The following RC3H2 variants were observed in gnomAD, a reference collection of about 807,000 sequenced individuals.
The protein encoded by RC3H2 is ring finger and CCCH-type domains 2.
Under a neutral mutation model 133.3 loss-of-function variants are expected in RC3H2, and 31 were observed. The observed-to-expected ratio is 0.23, with a 90% confidence interval of 0.17 to 0.31. RC3H2 has a LOEUF of 0.31. Ranked by LOEUF, RC3H2 falls within the 10% of genes least tolerant of loss-of-function variation. The probability of loss-of-function intolerance (pLI) is 1.00; values close to 1 mark genes in which losing one functional copy is unlikely to be tolerated. For missense variants in RC3H2, 1,175 were observed against 1,437.2 expected (o/e 0.82, Z 2.95); for synonymous variants, 517 against 502.2 (o/e 1.03, Z -0.40).
At chr9:122,887,415 G>A (rs993281858) in intron 4 of RC3H2, among the ~76,000 whole-genome samples, 3 of 151,860 alleles carry the variant, frequency 2.0e-5, no homozygotes, top group Non-Finnish European at 4.4e-5. Context: ...TTCTCTGGGG[G>A]TCAACTGATC....
At chr9:122,852,167 G>T (rs1170792894) in intron 18 of RC3H2, among the ~76,000 whole-genome samples, 2 of 144,424 alleles carry the variant, frequency 1.4e-5, no homozygotes, top group Non-Finnish European at 3.0e-5. Context: ...TGGGATGTGA[G>T]GAATGCCTCT....
In RC3H2 at chr9:122,859,064, C is replaced by T; in HGVS notation, c.1888G>A (p.Ala630Thr). 1 of 1,602,690 alleles carries T rather than the reference C, an allele frequency of 6.2e-7. No individual in the cohort carries two copies. The highest frequency in any genetic ancestry group is 8.5e-7 in the Non-Finnish European group (1 of 1,172,674). ...PPPPTVPAGV[A>T]PCVPRFVRSN... is the part of the protein sequence containing the mutation. ...CTCACAAAGCGAGGAACACAGGGAG[C>T]CACACCAGCTGGTACCGTTGGAGGT... Residue 630 changes from alanine (A) to threonine (T), a missense_variant, in exon 12 of 21, where the codon GCT becomes ACT. Around this residue, in one of 8 missense-constraint regions of RC3H2, gnomAD observed 490 missense variants for 492.8 expected, o/e 0.99. Transcript: ENST00000357244.
chr9:122,853,669 T>G (rs1830136260), intron 18 of RC3H2: 1 of 669,606 alleles, frequency 1.5e-6, no homozygotes, highest in Non-Finnish European at 2.4e-6. Flanking sequence ...GGAGAATCGC[T>G]TGAACCTGAG....
chr9:122,878,360 G>T (rs1232707178), intron 8 of RC3H2, among the ~76,000 whole-genome samples: 1 of 151,912 alleles, frequency 6.6e-6, no homozygotes, highest in African/African-American at 2.4e-5. Flanking sequence ...TCCACTTCCC[G>T]GGTTCAGGCC....
chr9:122,866,117 A>G (rs927593360), intron 9 of RC3H2, among the ~76,000 whole-genome samples: 1 of 152,206 alleles, frequency 6.6e-6, no homozygotes, highest in African/African-American at 2.4e-5. Flanking sequence ...CAAACTGTAA[A>G]AGGATTATAT....
intron 18 of RC3H2, among the ~76,000 whole-genome samples, chr9:122,853,430 G>A (rs2131383446): frequency 6.6e-6 from 1 of 151,610 alleles, no homozygotes; most frequent in Non-Finnish European, 1.5e-5. Context: ...GTGGAACCTG[G>A]GGTTTCCCTT....
At chr9:122,876,166 A>G (rs1206198669) in intron 9 of RC3H2, among the ~76,000 whole-genome samples, 1 of 152,208 alleles carries the variant, frequency 6.6e-6, no homozygotes, top group Non-Finnish European at 1.5e-5. Flanking sequence ...AAAGCTAAGG[A>G]AGGACAGCTG....
In RC3H2 at chr9:122,895,326, C is replaced by T. The variant is rs143484414; in HGVS notation, c.231+1953G>A. Among the ~76,000 whole-genome samples the T allele has an allele frequency of 7.7e-3, 1,167 of 152,128 alleles. 13 individuals are homozygous for T. Among genetic ancestry groups the T allele is most frequent in the African/African-American group, 0.027 (1,101 of 41,494 alleles). On this transcript the variant is annotated intron_variant, in intron 2 of 20. Transcript: ENST00000357244. Reference sequence around the variant, plus strand: ...GGGACTACAGTCACACACCACCATGCCTGACTAATTTTTTTATTTTTTGTA... The same window carrying T: ...GGGACTACAGTCACACACCACCATGTCTGACTAATTTTTTTATTTTTTGTA...
chr9:122,891,266 G>A (rs1052220008), intron 3 of RC3H2, among the ~76,000 whole-genome samples: 2 of 151,972 alleles, frequency 1.3e-5, no homozygotes, highest in Non-Finnish European at 2.9e-5. Flanking sequence ...CAAATGATCT[G>A]CCCGCCTCGG....
In RC3H2 at chr9:122,877,511, T is replaced by C. The variant is rs758265863; in HGVS notation, c.1285A>G (p.Thr429Ala). 1 of 1,614,162 alleles carries C rather than the reference T, an allele frequency of 6.2e-7. No individual in the cohort carries two copies. Among genetic ancestry groups the C allele is most frequent in the Non-Finnish European group, 8.5e-7 (1 of 1,179,990 alleles). ...LRQQGGCPRGTNCTFAHSQEE... is the reference protein window; with the variant it reads ...LRQQGGCPRGANCTFAHSQEE... The stretch of plus-strand genomic sequence containing the variant: ...TGAGAATGGGCAAATGTACAATTTG[T>C]TCCTCGTGGACAACCCCCTTGCTGT... The change falls in exon 9 of 21, where the codon ACA becomes GCA. Residue 429 changes from threonine to alanine, a missense_variant. Transcript: ENST00000357244.
At chr9:122,853,635 C>T (rs998425473) in intron 18 of RC3H2, 14 of 482,836 alleles carry the variant, frequency 2.9e-5, no homozygotes, top group Non-Finnish European at 4.7e-5. Flanking sequence ...GCCTGTAATC[C>T]CAGCTACTCG....
chr9:122,854,887 T>C (rs1357361215), intron 15 of RC3H2, among the ~76,000 whole-genome samples: 4 of 152,124 alleles, frequency 2.6e-5, no homozygotes, highest in Admixed American at 6.5e-5. Flanking sequence ...GTGGATCACA[T>C]GAGGCCAGGA....
At chr9:122,866,260 AAGTTTTG>A (rs1330867317) in intron 9 of RC3H2, among the ~76,000 whole-genome samples, 1 of 152,220 alleles carries the variant, frequency 6.6e-6, no homozygotes, top group African/African-American at 2.4e-5. Flanking sequence ...TTCTGATACT[AAGTTTTG>A]AGTTTTATTT....
chr9:122,869,825 C>A (rs1830984994), intron 9 of RC3H2, among the ~76,000 whole-genome samples: 1 of 152,128 alleles, frequency 6.6e-6, no homozygotes, highest in Non-Finnish European at 1.5e-5. Flanking sequence ...CTGCCTTGGC[C>A]TCCCAAAGTG....
rs753893611 is a variant in RC3H2 at position 122,858,754 on chromosome 9, C to G, written c.2198G>C (p.Arg733Pro). ...TCCATCTAATGAGTTATATCTTTCCCGCAAAGATGTCTGATAGACAGATGA... is the reference window on the plus strand; with the variant it reads ...TCCATCTAATGAGTTATATCTTTCCGGCAAAGATGTCTGATAGACAGATGA... The part of the protein sequence containing the change: ...MHSSVYQTSL[R>P]ERYNSLDGYY... Residue 733 changes from arginine to proline, a missense_variant, in exon 12 of 21, where the codon CGG becomes CCG. Physicochemically the swap from Arg to Pro is moderately radical, Grantham distance 103 (BLOSUM62 -2). Around this residue, in one of 8 missense-constraint regions of RC3H2, gnomAD observed 490 missense variants for 492.8 expected, o/e 0.99. Coordinates refer to ENST00000357244, the MANE Select transcript of RC3H2 (RefSeq NM_001100588.3). 6.2e-7 allele frequency: 1 copy of G among 1,614,158 alleles called. No individual in the cohort carries two copies. The highest frequency in any genetic ancestry group is 1.1e-5 in the South Asian group (1 of 91,076).
At chr9:122,902,601 T>C (rs1832698215) in intron 1 of RC3H2, among the ~76,000 whole-genome samples, 1 of 152,078 alleles carries the variant, frequency 6.6e-6, no homozygotes, top group Non-Finnish European at 1.5e-5. Context: ...TCCCAGCACT[T>C]TGGGAGGCGG....
chr9:122,899,577 A>G (rs1156236576), intron 1 of RC3H2, among the ~76,000 whole-genome samples: 1 of 152,194 alleles, frequency 6.6e-6, no homozygotes, highest in Non-Finnish European at 1.5e-5. Flanking sequence ...TCATCCTCAA[A>G]TTACCACATC....
chr9:122,888,860 G>C (rs1832043483), intron 4 of RC3H2, among the ~76,000 whole-genome samples: 1 of 152,174 alleles, frequency 6.6e-6, no homozygotes. Flanking sequence ...CTAGACCAAA[G>C]GGTAAACACA....
chr9:122,866,904 C>G (rs1436478680), intron 9 of RC3H2, among the ~76,000 whole-genome samples: 6 of 150,528 alleles, frequency 4.0e-5, no homozygotes, highest in Admixed American at 4.0e-4. Flanking sequence ...CCTGGCTGCC[C>G]AGTCTGGAAA....
Sources: allele counts gnomAD v4.1 joint callset (sites outside exome capture counted in the v4.1 genomes callset), GRCh38; gene constraint gnomAD v4.1.1; regional missense constraint gnomAD v4.1.1; transcripts MANE v1.5; gene names NCBI Gene and HGNC (gene_info 2026-07-23, HGNC 2026-07-21).